WNT2B: variants seen among roughly 807,000 people sequenced by gnomAD.
The protein encoded by WNT2B is Wnt family member 2B, also known as protein Wnt-2b.
A neutral mutation model predicts 40.5 loss-of-function variants in WNT2B; 19 were observed. The observed-to-expected ratio is 0.47, with a 90% CI of 0.33 to 0.69. The LOEUF is 0.69. Among genes scored for constraint, WNT2B ranks in the 30% least tolerant of loss-of-function variants. WNT2B has a pLI of 0.02. For synonymous variants in WNT2B, 220 were observed against 211.9 expected, an observed-to-expected ratio of 1.04 and a Z score of -0.33; for missense variants, 467 against 556.4, an observed-to-expected ratio of 0.84 and a Z score of 1.62.
rs1025476248 is a variant in WNT2B at position 112,528,229 on chromosome 1, C to G, written c.*7720C>G. On this transcript the variant is annotated 3_prime_UTR_variant, in exon 5 of 5. Coordinates refer to ENST00000369684, the MANE Select transcript of WNT2B (RefSeq NM_024494.3). Reference sequence around the variant, plus strand: ...AAGAAGGCATTCTAAATAGAGGGAACTGGTATGTGCTGAAACTTAGAAGCA... The same window carrying G: ...AAGAAGGCATTCTAAATAGAGGGAAGTGGTATGTGCTGAAACTTAGAAGCA... 1 of 152,110 alleles carries G rather than the reference C, an allele frequency of 6.6e-6. No homozygotes were observed. Among genetic ancestry groups the G allele is most frequent in the Non-Finnish European group, 1.5e-5 (1 of 68,012 alleles). The allele number at this position is 152,110 out of a possible 1,614,324, so 9.4% of individuals were successfully genotyped here.
intron 1 of WNT2B, among the ~76,000 whole-genome samples, chr1:112,480,149 C>T (rs1335484675): frequency 6.6e-6 from 1 of 152,052 alleles, no homozygotes. Context: ...CACTTGAGGT[C>T]TGAGGTCAGG....
At chr1:112,472,704 T>C (rs1203748805) in intron 1 of WNT2B, among the ~76,000 whole-genome samples, 1 of 152,060 alleles carries the variant, frequency 6.6e-6, no homozygotes, top group Non-Finnish European at 1.5e-5. Flanking sequence ...AATAAAAAAT[T>C]ACAAAGAAGT....
chr1:112,508,349 G>A (rs1483496319), upstream of WNT2B, among the ~76,000 whole-genome samples: 4 of 150,742 alleles, frequency 2.7e-5, no homozygotes, highest in African/African-American at 4.9e-5. The surrounding 1 kb of genome is among the most constrained non-coding windows in gnomAD (Gnocchi z 4.2). Flanking sequence ...CGGGCAGGCC[G>A]GGCAAGCAGG....
rs1653158048 is a variant in WNT2B at position 112,524,807 on chromosome 1, G to A, written c.*4298G>A. The A allele has an allele frequency of 6.6e-6, 1 of 151,990 alleles. No homozygotes were observed. The highest frequency in any genetic ancestry group is 1.5e-5 in the Non-Finnish European group (1 of 68,016). 9.4% of individuals were successfully genotyped at this position (151,990 alleles called of 1,614,324 possible). ...ACAGACACATAGAGAACTTCTCTCA[G>A]GCTGCATAGGAGTTCTGCTCATCCT... On this transcript the variant is annotated 3_prime_UTR_variant, in exon 5 of 5. Transcript: ENST00000369684.
At chr1:112,484,438 T>G (rs1651351694) in intron 1 of WNT2B, among the ~76,000 whole-genome samples, 1 of 150,976 alleles carries the variant, frequency 6.6e-6, no homozygotes, top group Non-Finnish European at 1.5e-5. Context: ...GTGGCTAATT[T>G]TTTTTTTGTT....
intron 1 of WNT2B, among the ~76,000 whole-genome samples, chr1:112,480,938 G>T (rs1018422805): frequency 1.3e-5 from 2 of 152,138 alleles, no homozygotes; most frequent in Non-Finnish European, 1.5e-5. Context: ...GGAGGCCGAG[G>T]TGGATGGATC....
chr1:112,502,984 C>G (rs1264441328), intron 1 of WNT2B, among the ~76,000 whole-genome samples: 1 of 151,824 alleles, frequency 6.6e-6, no homozygotes, highest in Admixed American at 6.5e-5. Context: ...CACACACACT[C>G]ACACACACAC....
rs867367078 is a variant in WNT2B at position 112,524,937 on chromosome 1, C to T, written c.*4428C>T. 16 of 152,182 alleles carry T rather than the reference C, an allele frequency of 1.1e-4. No individual in the cohort carries two copies. Among genetic ancestry groups the T allele is most frequent in the African/African-American group, 3.9e-4 (16 of 41,424 alleles). 9.4% of individuals were successfully genotyped at this position (152,182 alleles called of 1,614,324 possible). A position where few individuals can be genotyped will look rare whatever the true frequency, so the allele number is the denominator to read the frequency against. Reference sequence around the variant, plus strand: ...TAATCAAGGAATATCTACAAAGTCACATTACCAACCTGCAGGCAACTCTTT... The same window carrying T: ...TAATCAAGGAATATCTACAAAGTCATATTACCAACCTGCAGGCAACTCTTT... On this transcript the variant is annotated 3_prime_UTR_variant, in exon 5 of 5. Transcript: ENST00000369684.
chr1:112,510,573 G>A (rs907565422), intron 1 of WNT2B, among the ~76,000 whole-genome samples: 3 of 152,190 alleles, frequency 2.0e-5, no homozygotes, highest in Non-Finnish European at 4.4e-5. Flanking sequence ...CTTGGCTGAA[G>A]GGTGAGGGGT....
At chr1:112,514,768 G>C in intron 1 of WNT2B, 106 bp from the exon 2 acceptor site, 2 of 1,054,486 alleles carry the variant, frequency 1.9e-6, no homozygotes, top group Non-Finnish European at 2.9e-6. Context: ...AGGGAGAGGG[G>C]ACAGAATCTC....
upstream of WNT2B, chr1:112,508,748 G>C (rs1652218238): frequency 1.0e-6 from 1 of 986,290 alleles, no homozygotes; most frequent in Non-Finnish European, 1.2e-6. The surrounding 1 kb of genome is among the most constrained non-coding windows in gnomAD (Gnocchi z 4.2). Flanking sequence ...GGCGCAGGAG[G>C]GAGCCGCGGC....
chr1:112,503,092 C>A (rs1000288712), intron 1 of WNT2B, among the ~76,000 whole-genome samples: 2 of 152,098 alleles, frequency 1.3e-5, no homozygotes, highest in East Asian at 3.9e-4. Context: ...AGACATGGCC[C>A]CAGAAAGGGA....
intron 4 of WNT2B, chr1:112,517,707 G>A: frequency 3.7e-6 from 1 of 269,708 alleles, no homozygotes; most frequent in East Asian, 6.8e-5. Context: ...CAATGTGTGG[G>A]CTGCACAGAA....
At chr1:112,492,323 G>C (rs1319803700) in intron 1 of WNT2B, among the ~76,000 whole-genome samples, 1 of 152,182 alleles carries the variant, frequency 6.6e-6, no homozygotes, top group East Asian at 1.9e-4. Flanking sequence ...AAATTGCAGA[G>C]ACAGGCAGGC....
intron 1 of WNT2B, among the ~76,000 whole-genome samples, chr1:112,511,808 C>A (rs900786760): frequency 6.6e-6 from 1 of 152,212 alleles, no homozygotes; most frequent in African/African-American, 2.4e-5. Context: ...ATATTGTTAG[C>A]ACTACTTTTA....
intron 1 of WNT2B, among the ~76,000 whole-genome samples, chr1:112,484,290 T>TATACACATATATATATATATAC (rs1294363726): frequency 3.2e-5 from 4 of 126,050 alleles, no homozygotes; most frequent in African/African-American, 1.4e-4. Context: ...TATATATATA[T>TATACACATATATATATATATAC]ACACACACAT....
At chr1:112,477,751 G>C (rs759561283) in intron 1 of WNT2B, among the ~76,000 whole-genome samples, 1 of 151,996 alleles carries the variant, frequency 6.6e-6, no homozygotes, top group Non-Finnish European at 1.5e-5. Context: ...AAATACAATA[G>C]AGAATTTCAA....
At chr1:112,483,181 TACACACACACACACACAC>T (rs58250277) in intron 1 of WNT2B, among the ~76,000 whole-genome samples, 3 of 141,132 alleles carry the variant, frequency 2.1e-5, no homozygotes, top group African/African-American at 5.7e-5. Context: ...GCAACATAGA[TACACACACACACACACAC>T]ACACACACAC....
chr1:112,516,023 G>A (rs1435610894), intron 2 of WNT2B, 117 bp from the exon 3 acceptor site: 13 of 1,358,714 alleles, frequency 9.6e-6, no homozygotes, highest in Non-Finnish European at 1.3e-5. Context: ...GGGTGTAGGG[G>A]TGACTCTGGG....
Sources: gnomAD v4.1 joint callset for allele counts (sites outside exome capture counted in the v4.1 genomes callset) on GRCh38, gnomAD v4.1.1 for gene constraint, Gnocchi (gnomAD v3.1) non-coding constraint, MANE v1.5 for transcripts, NCBI Gene and HGNC (gene_info 2026-07-23, HGNC 2026-07-21) for gene names.